Variants in SNX1 observed in about 807,000 individuals in gnomAD.
SNX1 encodes sorting nexin-1.
A neutral mutation model predicts 71.8 loss-of-function variants in SNX1; 36 were observed. The ratio of observed to expected loss-of-function variants is 0.50; its 90% confidence interval spans 0.38 to 0.66. The LOEUF (loss-of-function observed/expected upper bound fraction) is 0.66, where lower values mean the gene tolerates loss of function less well. SNX1 is among the 30% of genes least tolerant of loss of function. The probability of loss-of-function intolerance (pLI) is 0.00; values close to 1 mark genes in which losing one functional copy is unlikely to be tolerated. For synonymous variants in SNX1, 254 were observed against 240.7 expected (o/e 1.06, Z -0.51); for missense variants, 612 against 646.7 (o/e 0.95, Z 0.58).
chr15:64,126,995 G>C (rs2081260694), intron 6 of SNX1, among the ~76,000 whole-genome samples, 179 bp from the exon 7 acceptor site: 1 of 152,038 alleles, frequency 6.6e-6, no homozygotes, highest in African/African-American at 2.4e-5. Flanking sequence ...TTAGAGACTA[G>C]TTTTCAAAAG....
chr15:64,126,141 G>A lies in SNX1; in HGVS notation c.573G>A (p.Leu191=). 6.2e-7 allele frequency: 1 copy of A among 1,614,068 alleles called. No individual in the cohort carries two copies. Residue 191 remains leucine (L), a synonymous_variant, in exon 6 of 15, where the codon CTG becomes CTA. Transcript: ENST00000559844. ...TAAAAAGAAGATTTAGTGACTTTCT[G>A]GGTCTTTATGAGAAGCTTTCCGAGA... ...FAVKRRFSDF[L]GLYEKLSEKH... is the part of the protein sequence containing the mutation.
rs898426380 is a variant in SNX1, at chr15:64,130,206, G to A, written c.922-22G>A. 4 of 1,608,250 alleles carry A rather than the reference G, an allele frequency of 2.5e-6. No homozygotes were observed. In the South Asian group the frequency reaches 4.4e-5, roughly 18 times the overall value. The stretch of plus-strand genomic sequence containing the variant: ...CACCCATAAAAGTAATCTCATTAAA[G>A]TTCTGGGCTTTTGTGTTTCAGTGGT... On this transcript the variant is annotated intron_variant, in intron 9 of 14. Coordinates refer to ENST00000559844, the MANE Select transcript of SNX1 (RefSeq NM_003099.5).
intron 1 of SNX1, chr15:64,111,469 CAA>C (rs1305899886): frequency 1.3e-5 from 2 of 152,068 alleles, no homozygotes; most frequent in Non-Finnish European, 2.9e-5. Context: ...TAAGACTAGT[CAA>C]GTGCAGTAGT....
intron 8 of SNX1, among the ~76,000 whole-genome samples, chr15:64,128,896 C>CG (rs752021231): frequency 2.0e-5 from 3 of 152,068 alleles, no homozygotes; most frequent in Non-Finnish European, 2.9e-5. Flanking sequence ...ATAACAACCA[C>CG]AATCATCTCC....
At chr15:64,118,996 C>T (rs976715167) in intron 4 of SNX1, 142 bp downstream of exon 4, 1 of 609,856 alleles carries the variant, frequency 1.6e-6, no homozygotes, top group Non-Finnish European at 2.9e-6. Flanking sequence ...AAGTAGACCC[C>T]TTGCTATGTT....
chr15:64,114,740 A>G (rs765316899), intron 2 of SNX1, among the ~76,000 whole-genome samples: 5 of 152,250 alleles, frequency 3.3e-5, no homozygotes, highest in Non-Finnish European at 4.4e-5. Flanking sequence ...ATACAAGGAA[A>G]GAAGAGATTA....
chr15:64,129,496 A>G lies in SNX1; in HGVS notation c.808-420A>G, dbSNP rs879493125. 3.9e-5 allele frequency among the ~76,000 whole-genome samples: 6 copies of G among 152,188 alleles called. No individual in the cohort carries two copies. Among genetic ancestry groups the G allele is most frequent in the Non-Finnish European group, 2.9e-5 (2 of 68,042 alleles). Reference sequence around the variant, plus strand: ...CTCGGATATTTGTTCACTGAAGAAAATTCGAACACAGCACGATTTCAGTGT... The same window carrying G: ...CTCGGATATTTGTTCACTGAAGAAAGTTCGAACACAGCACGATTTCAGTGT... On this transcript the variant is annotated intron_variant, in intron 8 of 14. Coordinates refer to ENST00000559844, the MANE Select transcript of SNX1 (RefSeq NM_003099.5). The surrounding 1 kb of genome is among the most constrained non-coding windows in gnomAD (Gnocchi z 4.4).
intron 2 of SNX1, among the ~76,000 whole-genome samples, chr15:64,116,845 CT>C (rs1413058215): frequency 4.6e-5 from 7 of 152,244 alleles, no homozygotes; most frequent in Admixed American, 3.9e-4. Flanking sequence ...TTTAAAGTCC[CT>C]TCTCTGGAAC....
intron 1 of SNX1, among the ~76,000 whole-genome samples, chr15:64,110,498 G>C (rs2081068034): frequency 6.6e-6 from 1 of 152,208 alleles, no homozygotes; most frequent in South Asian, 2.1e-4. Context: ...CTGGGCTCAA[G>C]TGATCCTCCC....
chr15:64,137,544 C>G (rs371424280), intron 14 of SNX1, 24 bp from the exon 15 acceptor site: 1 of 1,613,820 alleles, frequency 6.2e-7, no homozygotes, highest in Non-Finnish European at 8.5e-7. Context: ...GGGGCACTTG[C>G]TTAATGTCCC....
intron 4 of SNX1, among the ~76,000 whole-genome samples, chr15:64,119,113 A>G (rs540832049): frequency 6.6e-6 from 1 of 151,860 alleles, no homozygotes; most frequent in Non-Finnish European, 1.5e-5. Flanking sequence ...TTTTATTTTT[A>G]TTCTTTTGGT....
At chr15:64,136,461 A>T in intron 13 of SNX1, 51 bp downstream of exon 13, 2 of 1,443,450 alleles carry the variant, frequency 1.4e-6, no homozygotes, top group Non-Finnish European at 2.0e-6. Flanking sequence ...TTGTTTTGGG[A>T]GTACTCTTGG....
At position 64,138,054 on chromosome 15, in the gene SNX1, T is replaced by C; in HGVS notation, c.*436T>C. On this transcript the variant is annotated 3_prime_UTR_variant, in exon 15 of 15. Transcript: ENST00000559844. ...GGTTTTTGCTTAGGCTGGGGAGCAG[T>C]TGGGAATCAGGTCTGGAATACTCCT... 1 of 1,528,642 alleles carries C rather than the reference T, an allele frequency of 6.5e-7. No homozygotes were observed. The highest frequency in any genetic ancestry group is 1.4e-5 in the African/African-American group (1 of 72,810). 94.7% of individuals were successfully genotyped at this position (1,528,642 alleles called of 1,614,324 possible).
At chr15:64,098,512 G>C (rs1179960718) in intron 1 of SNX1, among the ~76,000 whole-genome samples, 1 of 152,090 alleles carries the variant, frequency 6.6e-6, no homozygotes, top group East Asian at 1.9e-4. Flanking sequence ...GGCCAACATG[G>C]CAAAACCCCA....
chr15:64,136,289 C>A, intron 12 of SNX1, 41 bp from the exon 13 acceptor site: 1 of 1,480,220 alleles, frequency 6.8e-7, no homozygotes, highest in Non-Finnish European at 9.4e-7. Flanking sequence ...AATAATGGTG[C>A]CATAATATGA....
At chr15:64,118,436 G>A (rs1362634851) in intron 3 of SNX1, among the ~76,000 whole-genome samples, 192 bp downstream of exon 3, 3 of 152,194 alleles carry the variant, frequency 2.0e-5, no homozygotes, top group South Asian at 2.1e-4. Context: ...CAGAGAGCAC[G>A]AAGGCTTTCA....
chr15:64,099,716 A>G (rs992828544), intron 1 of SNX1, among the ~76,000 whole-genome samples: 1 of 151,994 alleles, frequency 6.6e-6, no homozygotes, highest in Non-Finnish European at 1.5e-5. Flanking sequence ...ACACTTAATG[A>G]CTTCATTTTT....
At chr15:64,114,161 C>G (rs2081106081) in intron 2 of SNX1, among the ~76,000 whole-genome samples, 1 of 152,086 alleles carries the variant, frequency 6.6e-6, no homozygotes, top group Non-Finnish European at 1.5e-5. Context: ...GAAGACTGAC[C>G]TAGTGGAATT....
intron 2 of SNX1, among the ~76,000 whole-genome samples, chr15:64,114,572 G>A (rs147240615): frequency 1.3e-5 from 2 of 152,274 alleles, no homozygotes; most frequent in Admixed American, 1.3e-4. Flanking sequence ...GACAAGAGCT[G>A]GACATATGGG....
Sources: gnomAD v4.1 joint callset for allele counts (sites outside exome capture counted in the v4.1 genomes callset) on GRCh38, gnomAD v4.1.1 for gene constraint, Gnocchi (gnomAD v3.1) non-coding constraint, MANE v1.5 for transcripts, NCBI Gene and HGNC (gene_info 2026-07-23, HGNC 2026-07-21) for gene names.